The following FGF12 variants were observed in gnomAD, a reference collection of about 807,000 sequenced individuals.
The protein encoded by FGF12 is fibroblast growth factor 12.
FGF12 carries 14 observed loss-of-function variants against 23.6 expected under a neutral mutation model. That is an observed-to-expected ratio of 0.59 (90% CI 0.39 to 0.93). The LOEUF is 0.93. Ranked by LOEUF, FGF12 falls within the 40% of genes least tolerant of loss-of-function variation. The pLI, the probability that FGF12 is intolerant of heterozygous loss-of-function variation, is 0.00. For synonymous variants in FGF12, 62 were observed against 77.3 expected (o/e 0.80, Z 1.04); for missense variants, 175 against 217.8 (o/e 0.80, Z 1.24).
intron 4 of FGF12, among the ~76,000 whole-genome samples, chr3:192,308,536 C>T (rs902567227): frequency 8.6e-5 from 13 of 151,892 alleles, no homozygotes; most frequent in East Asian, 3.9e-4. Context: ...AAAAATTAGC[C>T]GGGCATGGTG....
intron 2 of FGF12, among the ~76,000 whole-genome samples, chr3:192,472,218 A>G (rs1489248579): frequency 6.6e-6 from 1 of 151,984 alleles, no homozygotes; most frequent in Admixed American, 6.6e-5. Context: ...GGGTTTCACC[A>G]TGTTGGCCAG....
chr3:192,191,835 CAAAA>C (rs66475128), intron 4 of FGF12, among the ~76,000 whole-genome samples: 1 of 101,484 alleles, frequency 9.9e-6, no homozygotes, highest in Non-Finnish European at 2.2e-5. Context: ...GACTCCGTCT[CAAAA>C]AAAAAAAAAA....
chr3:192,244,706 T>C (rs1719794476), intron 4 of FGF12: 1 of 152,182 alleles, frequency 6.6e-6, no homozygotes. Context: ...ATTATTATGA[T>C]AAACCTGAAA....
At chr3:192,418,491 T>C (rs919688521) in intron 2 of FGF12, among the ~76,000 whole-genome samples, 1 of 152,092 alleles carries the variant, frequency 6.6e-6, no homozygotes, top group African/African-American at 2.4e-5. Flanking sequence ...GTTCCAATTA[T>C]AGGTTAAAAG....
chr3:192,408,141 T>G lies in FGF12; in HGVS notation c.14-47603A>C, dbSNP rs2108776069. 1 of 1,612,320 alleles carries G rather than the reference T, an allele frequency of 6.2e-7. No homozygotes were observed. Among genetic ancestry groups the G allele is most frequent in the East Asian group, 2.2e-5 (1 of 44,840 alleles). On this transcript the variant is annotated intron_variant, in intron 2 of 5. Transcript: ENST00000445105. This position sits in a 1 kb window ranked among gnomAD's most constrained non-coding sequence, Gnocchi z 7.3. Reference sequence around the variant, plus strand: ...GTCTTTGCTGGGGCTGGAGCGGCGCTTGGAGGCCGACACTCGGTCGCTGTT... The same window carrying G: ...GTCTTTGCTGGGGCTGGAGCGGCGCGTGGAGGCCGACACTCGGTCGCTGTT...
chr3:192,687,490 C>T (rs1233721783), intron 2 of FGF12, among the ~76,000 whole-genome samples: 1 of 152,116 alleles, frequency 6.6e-6, no homozygotes. Flanking sequence ...AAATAATTCA[C>T]CACCAAGGAG....
At chr3:192,193,944 T>G (rs1263676018) in intron 4 of FGF12, among the ~76,000 whole-genome samples, 2 of 152,182 alleles carry the variant, frequency 1.3e-5, no homozygotes, top group Non-Finnish European at 2.9e-5. Flanking sequence ...CTACCAAATA[T>G]ACATACTGGG....
chr3:192,391,911 G>T (rs1372289267), intron 2 of FGF12, among the ~76,000 whole-genome samples: 1 of 152,216 alleles, frequency 6.6e-6, no homozygotes, highest in African/African-American at 2.4e-5. Context: ...GTAAGACACA[G>T]ATTGAGGAGT....
chr3:192,158,488 T>C (rs1225494243), intron 5 of FGF12, among the ~76,000 whole-genome samples: 3 of 149,470 alleles, frequency 2.0e-5, no homozygotes, highest in Non-Finnish European at 4.4e-5. Context: ...CTCTCTCCCT[T>C]CCTTCCTCTC....
intron 2 of FGF12, among the ~76,000 whole-genome samples, chr3:192,709,485 G>C (rs1425175738): frequency 6.6e-6 from 1 of 152,102 alleles, no homozygotes; most frequent in African/African-American, 2.4e-5. Flanking sequence ...AAATAATTGG[G>C]CTTTTGGGTG....
At chr3:192,559,668 G>A (rs1261399492) in intron 2 of FGF12, among the ~76,000 whole-genome samples, 2 of 151,352 alleles carry the variant, frequency 1.3e-5, no homozygotes, top group Non-Finnish European at 3.0e-5. Flanking sequence ...AAAAAAAGAA[G>A]AAAAAAAAGA....
At chr3:192,585,932 C>T (rs1034241964) in intron 2 of FGF12, among the ~76,000 whole-genome samples, 2 of 151,990 alleles carry the variant, frequency 1.3e-5, no homozygotes, top group East Asian at 1.9e-4. Flanking sequence ...AGAAAGCATA[C>T]AGTAGTAGCA....
chr3:192,206,223 C>T (rs1717642314), intron 4 of FGF12, among the ~76,000 whole-genome samples: 1 of 152,126 alleles, frequency 6.6e-6, no homozygotes, highest in South Asian at 2.1e-4. Context: ...GGCTCTAGGC[C>T]CAGAAGCAGC....
chr3:192,272,466 G>A (rs1311545196), intron 4 of FGF12, among the ~76,000 whole-genome samples: 1 of 152,168 alleles, frequency 6.6e-6, no homozygotes, highest in Non-Finnish European at 1.5e-5. Context: ...AAATATGGCT[G>A]CATGATTACG....
Position 192,158,357 on chromosome 3 carries a change from T to C in FGF12, c.427+12101A>G, listed in dbSNP as rs548193642. On this transcript the variant is annotated intron_variant, in intron 5 of 5. Transcript: ENST00000445105. ...CTCTTTCTTTCTTTCTTTCTTTCTT[T>C]CTTTCTTTCTTTCTTTCTTTCTTTC... is the stretch of plus-strand genomic sequence containing the variant. Among the ~76,000 whole-genome samples the C allele has an allele frequency of 5.8e-3, 657 of 113,834 alleles. 12 individuals carry two copies. The highest frequency in any genetic ancestry group is 0.023 in the African/African-American group (607 of 25,880). The allele number at this position is 113,834 out of a possible 152,430, so 74.7% of individuals were successfully genotyped here.
chr3:192,589,569 A>G (rs1309473110), intron 2 of FGF12, among the ~76,000 whole-genome samples: 2 of 151,842 alleles, frequency 1.3e-5, no homozygotes, highest in African/African-American at 4.8e-5. Context: ...CTAGGCTTAA[A>G]TCTCATCAGC....
chr3:192,296,211 T>G (rs1186181106), intron 4 of FGF12, among the ~76,000 whole-genome samples: 1 of 150,606 alleles, frequency 6.6e-6, no homozygotes, highest in Non-Finnish European at 1.5e-5. Flanking sequence ...TGGCCTACAA[T>G]GTTTTCATTT....
At chr3:192,460,193 T>C (rs1167801913) in intron 2 of FGF12, among the ~76,000 whole-genome samples, 1 of 152,174 alleles carries the variant, frequency 6.6e-6, no homozygotes, top group Non-Finnish European at 1.5e-5. Context: ...ATCTCAGTCA[T>C]AATAGGCAAA....
At chr3:192,447,792 A>T (rs368360496) in intron 2 of FGF12, among the ~76,000 whole-genome samples, 1 of 152,176 alleles carries the variant, frequency 6.6e-6, no homozygotes, top group Non-Finnish European at 1.5e-5. Flanking sequence ...AAGCACACAA[A>T]TCTTTTCTCT....
Sources: allele counts gnomAD v4.1 joint callset (sites outside exome capture counted in the v4.1 genomes callset), GRCh38; gene constraint gnomAD v4.1.1; non-coding constraint Gnocchi (gnomAD v3.1); transcripts MANE v1.5; gene names NCBI Gene and HGNC (gene_info 2026-07-23, HGNC 2026-07-21).